Variants in MTCL2 observed in about 807,000 individuals in gnomAD.
The protein encoded by MTCL2 is microtubule crosslinking factor 2.
chr20:36,842,929 A>T, the MTCL2 span, among the ~76,000 whole-genome samples: 1 of 152,180 alleles, frequency 6.6e-6, no homozygotes, highest in Non-Finnish European at 1.5e-5. Context: ...GAGAGGGCAG[A>T]TCTGGAGAGC....
At chr20:36,825,637 T>C in the MTCL2 span, among the ~76,000 whole-genome samples, 1 of 152,108 alleles carries the variant, frequency 6.6e-6, no homozygotes, top group Non-Finnish European at 1.5e-5. Context: ...GGGCTCCTGT[T>C]CCCAGCCGGG....
chr20:36,860,134 C>T, the MTCL2 span, among the ~76,000 whole-genome samples: 1 of 152,138 alleles, frequency 6.6e-6, no homozygotes, highest in Non-Finnish European at 1.5e-5. Context: ...TGGCCTTGCT[C>T]TCCTCTCTTA....
At chr20:36,824,181 A>T in the MTCL2 span, among the ~76,000 whole-genome samples, 1 of 105,502 alleles carries the variant, frequency 9.5e-6, no homozygotes, top group Non-Finnish European at 2.1e-5. Flanking sequence ...CTGCAGTTCT[A>T]CTCCCTGGGA....
At chr20:36,836,199 C>A in the MTCL2 span, among the ~76,000 whole-genome samples, 1 of 151,110 alleles carries the variant, frequency 6.6e-6, no homozygotes, top group African/African-American at 2.4e-5. Flanking sequence ...TAGAGAGAGA[C>A]CTTGTCGCTC....
chr20:36,852,893 C>T, the MTCL2 span, among the ~76,000 whole-genome samples: 1 of 151,494 alleles, frequency 6.6e-6, no homozygotes, highest in African/African-American at 2.4e-5. Flanking sequence ...CCCGTCTCTA[C>T]TAAAAATACA....
the MTCL2 span, among the ~76,000 whole-genome samples, chr20:36,832,900 T>C: frequency 1.3e-5 from 2 of 151,744 alleles, no homozygotes; most frequent in African/African-American, 4.8e-5. Context: ...GCAGGAGCCC[T>C]GTGGCCTGGG....
chr20:36,862,509 C>CCAGGAGCCA, the MTCL2 span: 8 of 675,244 alleles, frequency 1.2e-5, no homozygotes, highest in African/African-American at 1.9e-5. Context: ...TGAGGGAGCC[C>CCAGGAGCCA]CAGATCCACC....
chr20:36,838,990 T>G, the MTCL2 span, among the ~76,000 whole-genome samples: 5 of 149,798 alleles, frequency 3.3e-5, no homozygotes, highest in African/African-American at 7.3e-5. Flanking sequence ...AAAAAAACAG[T>G]AGCTGCTGCT....
the MTCL2 span, chr20:36,783,225 C>T: frequency 6.6e-6 from 1 of 152,144 alleles, no homozygotes; most frequent in Admixed American, 6.6e-5. Context: ...TAGAGGTCAG[C>T]CTTTGGTGGG....
the MTCL2 span, among the ~76,000 whole-genome samples, chr20:36,850,623 T>C: frequency 1.3e-5 from 2 of 152,222 alleles, no homozygotes; most frequent in African/African-American, 4.8e-5. Context: ...TGAGTGCCTA[T>C]GGTGGGCCAG....
chr20:36,794,173 C>T, the MTCL2 span: 1 of 1,550,806 alleles, frequency 6.4e-7, no homozygotes, highest in Non-Finnish European at 8.7e-7. The surrounding 1 kb of genome is among the most constrained non-coding windows in gnomAD (Gnocchi z 5.4). Flanking sequence ...TGCAGAGCCA[C>T]CGACCATAGG....
the MTCL2 span, among the ~76,000 whole-genome samples, chr20:36,813,160 C>T: frequency 6.6e-6 from 1 of 152,044 alleles, no homozygotes; most frequent in Admixed American, 6.5e-5. Context: ...CTCTGTTCAT[C>T]CCTCTTTCAA....
the MTCL2 span, chr20:36,810,154 A>C: frequency 3.2e-6 from 5 of 1,544,480 alleles, no homozygotes; most frequent in Non-Finnish European, 4.4e-6. Context: ...GAGAGAGAGG[A>C]AGAAGTGGAT....
At chr20:36,789,171 T>C in the MTCL2 span, among the ~76,000 whole-genome samples, 1 of 152,246 alleles carries the variant, frequency 6.6e-6, no homozygotes, top group South Asian at 2.1e-4. Flanking sequence ...TTTTACATAC[T>C]GAACAATATT....
chr20:36,810,395 T>C, the MTCL2 span, among the ~76,000 whole-genome samples: 2 of 152,198 alleles, frequency 1.3e-5, no homozygotes, highest in African/African-American at 4.8e-5. Flanking sequence ...TTCACAAAGA[T>C]GTTCATTGTT....
At chr20:36,808,654 CCAG>C in the MTCL2 span, 2 of 1,612,480 alleles carry the variant, frequency 1.2e-6, no homozygotes, top group African/African-American at 1.3e-5. Context: ...TCTCCTGGCT[CCAG>C]AATTTCTGCT....
the MTCL2 span, among the ~76,000 whole-genome samples, chr20:36,838,894 G>A: frequency 1.1e-3 from 174 of 152,170 alleles, no homozygotes; most frequent in African/African-American, 3.8e-3. Context: ...GCTTGATCCC[G>A]GGAGGCAGAA....
chr20:36,828,972 G>C, the MTCL2 span: 14 of 1,405,556 alleles, frequency 1.0e-5, no homozygotes, highest in Non-Finnish European at 1.3e-5. Flanking sequence ...ACAAGCGGGG[G>C]CTCACAGAGA....
the MTCL2 span, among the ~76,000 whole-genome samples, chr20:36,856,047 A>G: frequency 0.15 from 23,354 of 151,964 alleles, 2,092 homozygotes; most frequent in Middle Eastern, 0.26. Context: ...TTGGCATTCA[A>G]TGCCCTTCCC....
Sources: gnomAD v4.1 joint callset for allele counts (sites outside exome capture counted in the v4.1 genomes callset) on GRCh38, gnomAD v4.1.1 for gene constraint, Gnocchi (gnomAD v3.1) non-coding constraint, MANE v1.5 for transcripts, NCBI Gene and HGNC (gene_info 2026-07-23, HGNC 2026-07-21) for gene names.